The following BSPH1 variants were observed in gnomAD, a reference collection of about 807,000 sequenced individuals.
BSPH1 encodes the protein binder of sperm protein homolog 1.
BSPH1 carries 21 observed loss-of-function variants against 22.5 expected under a neutral mutation model. The observed-to-expected ratio is 0.93, with a 90% CI of 0.66 to 1.35. The LOEUF (loss-of-function observed/expected upper bound fraction) is 1.35, where lower values mean the gene tolerates loss of function less well. Among genes scored for constraint, BSPH1 ranks in the 40% most tolerant of loss-of-function variants. The pLI is 0.00. For synonymous variants in BSPH1, 42 were observed against 53.6 expected, an observed-to-expected ratio of 0.78 and a Z score of 0.95; for missense variants, 141 against 154.2, an observed-to-expected ratio of 0.91 and a Z score of 0.45.
At chr19:47,991,933 C>T (rs915473393) in intron 1 of BSPH1, 76 bp downstream of exon 1, 1 of 953,556 alleles carries the variant, frequency 1.0e-6, no homozygotes, top group Non-Finnish European at 1.6e-6. Flanking sequence ...CACCTTCTCC[C>T]TCCTTCCTTG....
downstream of BSPH1, among the ~76,000 whole-genome samples, chr19:47,967,265 A>G (rs544461638): frequency 4.7e-3 from 709 of 152,222 alleles, 9 homozygotes; most frequent in African/African-American, 0.016. Context: ...GCATTAATTC[A>G]CTTAGATGGC....
intron 5 of BSPH1, among the ~76,000 whole-genome samples, chr19:47,969,938 G>T (rs1969297010): frequency 6.8e-6 from 1 of 146,798 alleles, no homozygotes; most frequent in African/African-American, 2.6e-5. Context: ...AGAGACTTTA[G>T]AATTTATGTT....
At chr19:47,987,194 CAGTG>C (rs1051703884) in intron 1 of BSPH1, among the ~76,000 whole-genome samples, 1 of 152,178 alleles carries the variant, frequency 6.6e-6, no homozygotes, top group Admixed American at 6.5e-5. Context: ...CAACCCCAGA[CAGTG>C]AGGATGAAGA....
chr19:47,974,844 C>T (rs1167261987), intron 5 of BSPH1, among the ~76,000 whole-genome samples: 1 of 152,084 alleles, frequency 6.6e-6, no homozygotes, highest in African/African-American at 2.4e-5. Flanking sequence ...ACCCCCTACA[C>T]TAGCCAGACG....
chr19:47,978,011 T>TATATAC lies in BSPH1; in HGVS notation c.125-508_125-507insGTATAT, dbSNP rs1555731515. Among the ~76,000 whole-genome samples, 4 of 105,084 alleles carry TATATAC rather than the reference T, an allele frequency of 3.8e-5. 1 individual carries two copies. The highest frequency in any genetic ancestry group is 1.6e-4 in the African/African-American group (4 of 25,194). 68.9% of individuals were successfully genotyped at this position (105,084 alleles called of 152,430 possible). ...GTATGGTTAATACAGGATATATATA[T>TATATAC]ATATATATATATATATATAGTTATA... On this transcript the variant is annotated intron_variant, in intron 3 of 5. Transcript: ENST00000344839.
downstream of BSPH1, among the ~76,000 whole-genome samples, chr19:47,967,475 A>G (rs1969269839): frequency 1.3e-5 from 2 of 152,220 alleles, no homozygotes; most frequent in Admixed American, 6.5e-5. Context: ...TCTGGAGGGT[A>G]GAAGTACAGG....
intron 5 of BSPH1, among the ~76,000 whole-genome samples, chr19:47,970,389 T>A (rs1338055811): frequency 6.6e-6 from 1 of 152,244 alleles, no homozygotes; most frequent in Admixed American, 6.5e-5. Flanking sequence ...CAGTGTCTTA[T>A]TCTTCTCTTT....
intron 5 of BSPH1, among the ~76,000 whole-genome samples, chr19:47,969,830 G>A (rs1969295425): frequency 1.3e-5 from 2 of 151,872 alleles, no homozygotes; most frequent in South Asian, 4.2e-4. Flanking sequence ...GTGAGAGAGA[G>A]ACTTTAGAAT....
chr19:47,971,519 T>C, intron 5 of BSPH1, among the ~76,000 whole-genome samples: 1 of 152,236 alleles, frequency 6.6e-6, no homozygotes, highest in East Asian at 1.9e-4. Flanking sequence ...ATTCTGTCTT[T>C]TAAAATAAAG....
chr19:47,989,936 T>C (rs1476770645), intron 1 of BSPH1, among the ~76,000 whole-genome samples: 2 of 151,786 alleles, frequency 1.3e-5, no homozygotes, highest in South Asian at 2.1e-4. Context: ...CTGGCCAACA[T>C]GGTGGAACCT....
At chr19:47,979,210 T>C (rs533869287) in intron 3 of BSPH1, among the ~76,000 whole-genome samples, 10 of 152,144 alleles carry the variant, frequency 6.6e-5, no homozygotes, top group Non-Finnish European at 1.2e-4. Flanking sequence ...GCTGATTCCA[T>C]GTTGCTTATA....
chr19:47,973,921 A>G (rs924809025), intron 5 of BSPH1, among the ~76,000 whole-genome samples: 42 of 152,198 alleles, frequency 2.8e-4, no homozygotes, highest in Middle Eastern at 6.8e-3. Context: ...CTCTATCCTT[A>G]GCACTCTGTT....
chr19:47,976,286 A>T (rs1227282354), intron 5 of BSPH1, among the ~76,000 whole-genome samples: 1 of 151,934 alleles, frequency 6.6e-6, no homozygotes, highest in African/African-American at 2.4e-5. Flanking sequence ...CACCATGCCT[A>T]GTTACATTTT....
At chr19:47,991,278 A>G (rs1966872542) in intron 1 of BSPH1, among the ~76,000 whole-genome samples, 1 of 152,012 alleles carries the variant, frequency 6.6e-6, no homozygotes, top group Admixed American at 6.6e-5. Context: ...TGCTCCTGTC[A>G]GACACTCGTG....
chr19:47,975,376 T>C (rs1191111983), intron 5 of BSPH1, among the ~76,000 whole-genome samples: 1 of 152,080 alleles, frequency 6.6e-6, no homozygotes, highest in East Asian at 1.9e-4. Context: ...TACCGAACGA[T>C]GCTCTGTGGC....
intron 4 of BSPH1, 48 bp from the exon 5 acceptor site, chr19:47,976,902 T>C (rs963748978): frequency 2.0e-6 from 3 of 1,531,844 alleles, no homozygotes; most frequent in Admixed American, 2.0e-5. Context: ...CTTTCTAATT[T>C]GCACCCACCT....
At chr19:47,977,250 C>T (rs2122245771) in intron 4 of BSPH1, 123 bp downstream of exon 4, 2 of 706,900 alleles carry the variant, frequency 2.8e-6, no homozygotes, top group Non-Finnish European at 4.6e-6. Flanking sequence ...ATCGAACATC[C>T]TTTATTTTCA....
intron 1 of BSPH1, among the ~76,000 whole-genome samples, chr19:47,983,986 A>C (rs1164137372): frequency 6.6e-6 from 1 of 151,282 alleles, no homozygotes; most frequent in African/African-American, 2.4e-5. Flanking sequence ...ACAGGTGTGC[A>C]CCACCACCTG....
intron 1 of BSPH1, among the ~76,000 whole-genome samples, chr19:47,986,945 T>C (rs1227569473): frequency 6.6e-6 from 1 of 152,162 alleles, no homozygotes; most frequent in Non-Finnish European, 1.5e-5. Context: ...GCTGGCAAGC[T>C]GTGGCATTCT....
Sources: allele counts gnomAD v4.1 joint callset (sites outside exome capture counted in the v4.1 genomes callset), GRCh38; gene constraint gnomAD v4.1.1; transcripts MANE v1.5; gene names NCBI Gene and HGNC (gene_info 2026-07-23, HGNC 2026-07-21).